TLE2: variants seen among roughly 807,000 people sequenced by gnomAD.
TLE2 encodes the protein transducin-like enhancer protein 2.
Under a neutral mutation model 97.2 loss-of-function variants are expected in TLE2, and 74 were observed. The observed-to-expected ratio is 0.76, with a 90% confidence interval of 0.63 to 0.92. The LOEUF (loss-of-function observed/expected upper bound fraction) is 0.92. Among genes scored for constraint, TLE2 ranks in the 40% least tolerant of loss-of-function variants. TLE2 has a pLI of 0.00. For missense variants in TLE2, 1,038 were observed against 1,008.7 expected (o/e 1.03, Z -0.39); for synonymous variants, 499 against 432.1 (o/e 1.15, Z -1.92).
intron 1 of TLE2, among the ~76,000 whole-genome samples, chr19:3,037,722 G>A (rs2090072668): frequency 6.6e-6 from 1 of 152,184 alleles, no homozygotes; most frequent in Admixed American, 6.5e-5. Flanking sequence ...AAGTCCCAGA[G>A]TGACAACGGC....
rs565628543 is a variant in TLE2, at chr19:3,022,738, G to A, written c.294+2282C>T. 1.7e-3 allele frequency among the ~76,000 whole-genome samples: 254 copies of A among 152,188 alleles called. 1 individual carries two copies. The highest frequency in any genetic ancestry group is 5.9e-3 in the African/African-American group (244 of 41,518). On this transcript the variant is annotated intron_variant, in intron 5 of 19. Transcript: ENST00000262953. The stretch of plus-strand genomic sequence containing the variant: ...GCTGTCTCCACCAAGGAGGTATCAG[G>A]ATGCGGATACAGAGCTCCCATGGGG...
intron 8 of TLE2, among the ~76,000 whole-genome samples, chr19:3,017,085 C>T (rs866482391): frequency 2.4e-5 from 3 of 124,672 alleles, no homozygotes; most frequent in African/African-American, 1.2e-4. Flanking sequence ...ATCTCCCACA[C>T]AGAAAGGCTT....
upstream of TLE2, among the ~76,000 whole-genome samples, chr19:3,033,952 A>T (rs984210251): frequency 5.8e-4 from 88 of 151,602 alleles, no homozygotes; most frequent in African/African-American, 2.1e-3. Context: ...GCTCTGAGAC[A>T]CCGCCTCTCC....
At chr19:3,033,589 C>T (rs893846204), upstream of TLE2, among the ~76,000 whole-genome samples, 25 of 152,334 alleles carry the variant, frequency 1.6e-4, no homozygotes, top group African/African-American at 4.3e-4. Context: ...TGAGCCACCG[C>T]GCCCCTCCAG....
chr19:3,031,950 C>T (rs191658886), upstream of TLE2, among the ~76,000 whole-genome samples: 18 of 152,166 alleles, frequency 1.2e-4, no homozygotes, highest in East Asian at 2.7e-3. Flanking sequence ...TTTTTTGAGA[C>T]GGAGTCTTGC....
chr19:3,045,223 A>C (rs757419158), intron 1 of TLE2, among the ~76,000 whole-genome samples: 83 of 152,316 alleles, frequency 5.4e-4, no homozygotes, highest in Admixed American at 9.2e-4. Flanking sequence ...CAAAATAATA[A>C]AAATAAAGAA....
intron 1 of TLE2, among the ~76,000 whole-genome samples, chr19:3,034,445 C>T (rs970386847): frequency 6.6e-6 from 1 of 151,834 alleles, no homozygotes; most frequent in South Asian, 2.1e-4. Flanking sequence ...CTTCCTCCAC[C>T]AGATCACACC....
rs551862209 is a variant in TLE2, at chr19:3,009,035, T to C, written c.1174-90A>G. ...CGCCCACCTGCCATACCCCTCTCTG[T>C]TTATCACCCCTCCCCAAGGCAGCAG... On this transcript the variant is annotated intron_variant, in intron 13 of 19. Coordinates refer to ENST00000262953, the MANE Select transcript of TLE2 (RefSeq NM_003260.5). 2.1e-5 allele frequency: 21 copies of C among 1,023,038 alleles called. No individual in the cohort carries two copies. In the South Asian group the frequency reaches 3.7e-4, roughly 18 times the overall value. 63.4% of individuals were successfully genotyped at this position (1,023,038 alleles called of 1,614,324 possible).
intron 19 of TLE2, among the ~76,000 whole-genome samples, chr19:2,999,706 G>A (rs190926806): frequency 6.5e-4 from 91 of 139,536 alleles, no homozygotes; most frequent in African/African-American, 2.5e-3. Flanking sequence ...CAGCCTGGGT[G>A]ACAGAGTGAG....
Position 3,019,169 on chromosome 19 carries a change from A to C in TLE2, c.550+114T>G. The C allele has an allele frequency of 7.0e-7, 1 of 1,424,146 alleles. No homozygotes were observed. The highest frequency in any genetic ancestry group is 1.3e-5 in the South Asian group (1 of 74,374). The allele number at this position is 1,424,146 out of a possible 1,614,324, so 88.2% of individuals were successfully genotyped here. On this transcript the variant is annotated intron_variant, in intron 7 of 19. Transcript: ENST00000262953. The surrounding 1 kb of genome is among the most constrained non-coding windows in gnomAD (Gnocchi z 5.1). Reference sequence around the variant, plus strand: ...CGCCTCGGCCTCCCAAATTGTTGGGATTATAGGCATGAGCCACTTCATCCC... The same window carrying C: ...CGCCTCGGCCTCCCAAATTGTTGGGCTTATAGGCATGAGCCACTTCATCCC...
rs1266880042 is a variant in TLE2 at position 3,016,798 on chromosome 19, A to G, written c.571-1038T>C. ...GAGGTTGAAATTTTTTTTTCTTTTGAGATGGAGTCTCGCTCTGTCGCCCAA... is the reference window on the plus strand; with the variant it reads ...GAGGTTGAAATTTTTTTTTCTTTTGGGATGGAGTCTCGCTCTGTCGCCCAA... On this transcript the variant is annotated intron_variant, in intron 8 of 19. Coordinates refer to ENST00000262953, the MANE Select transcript of TLE2 (RefSeq NM_003260.5). 4.0e-5 allele frequency among the ~76,000 whole-genome samples: 6 copies of G among 151,678 alleles called. No individual in the cohort carries two copies. The South Asian group carries it at 6.3e-4, about 16-fold the overall frequency.
At chr19:3,034,686 TAC>T (rs138945358) in intron 1 of TLE2, among the ~76,000 whole-genome samples, 23 of 149,596 alleles carry the variant, frequency 1.5e-4, no homozygotes, top group Non-Finnish European at 2.1e-4. Flanking sequence ...CATACGCGCG[TAC>T]ACACACACAC....
chr19:3,028,130 A>T (rs2089976157), intron 3 of TLE2, among the ~76,000 whole-genome samples, 189 bp downstream of exon 3: 2 of 152,044 alleles, frequency 1.3e-5, no homozygotes, highest in Admixed American at 1.3e-4. Context: ...CCATCAGGCG[A>T]GGGGTCCTCC....
Position 3,011,205 on chromosome 19 carries a change from C to T in TLE2, c.874-45G>A, listed in dbSNP as rs1274443333. On this transcript the variant is annotated intron_variant, in intron 11 of 19. Transcript: ENST00000262953. ...CTGAAGGCCACCAGGCACCTGGTGT[C>T]TTGTGGCCCAACGATCTGATCAGAA... The T allele has an allele frequency of 2.6e-6, 4 of 1,527,930 alleles. No individual in the cohort carries two copies. The South Asian group carries it at 5.2e-5, about 20-fold the overall frequency. 94.6% of individuals were successfully genotyped at this position (1,527,930 alleles called of 1,614,324 possible).
intron 5 of TLE2, among the ~76,000 whole-genome samples, chr19:3,020,884 A>C (rs1234558299): frequency 1.3e-5 from 2 of 151,178 alleles, no homozygotes; most frequent in African/African-American, 4.9e-5. Flanking sequence ...TCAGGAGTTC[A>C]AGACCAGCCT....
chr19:3,031,342 TTGTGTGTGTGTGTGTGTGTGTGTGTGTG>T (rs60898410), upstream of TLE2, among the ~76,000 whole-genome samples: 3 of 139,900 alleles, frequency 2.1e-5, no homozygotes, highest in Non-Finnish European at 4.6e-5. Context: ...AAAGATACAA[TTGTGTGTGTGTGTGTGTGTGTGTGTGTG>T]TGTGTGTGTG....
chr19:3,001,786 T>C (rs12978885), intron 18 of TLE2, among the ~76,000 whole-genome samples: 2 of 136,904 alleles, frequency 1.5e-5, no homozygotes, highest in Admixed American at 1.6e-4. Context: ...AAATTTCTTT[T>C]CTTTCTTTTT....
intron 8 of TLE2, among the ~76,000 whole-genome samples, chr19:3,016,063 A>C (rs1241426737): frequency 1.3e-5 from 2 of 151,378 alleles, no homozygotes; most frequent in African/African-American, 4.9e-5. Context: ...CAGCCTCCCC[A>C]GTAGCTGGGA....
At chr19:3,011,549 C>CTT (rs2089597225) in intron 11 of TLE2, among the ~76,000 whole-genome samples, 1 of 137,864 alleles carries the variant, frequency 7.3e-6, no homozygotes, top group African/African-American at 2.6e-5. Flanking sequence ...AAAAAAGACT[C>CTT]TGTCTCAAAA....
Sources: allele counts gnomAD v4.1 joint callset (sites outside exome capture counted in the v4.1 genomes callset), GRCh38; gene constraint gnomAD v4.1.1; non-coding constraint Gnocchi (gnomAD v3.1); transcripts MANE v1.5; gene names NCBI Gene and HGNC (gene_info 2026-07-23, HGNC 2026-07-21).